The following CSMD1 variants were observed in gnomAD, a reference collection of about 807,000 sequenced individuals.
CSMD1 encodes the protein CUB and Sushi multiple domains 1, also known as CUB and sushi domain-containing protein 1.
Under a neutral mutation model 417.5 loss-of-function variants are expected in CSMD1, and 213 were observed. The ratio of observed to expected loss-of-function variants is 0.51; its 90% CI spans 0.46 to 0.57. The LOEUF is 0.57. Among genes scored for constraint, CSMD1 ranks in the 20% least tolerant of loss-of-function variants. The pLI, the probability that CSMD1 is intolerant of heterozygous loss-of-function variation, is 0.00. For missense variants in CSMD1, 6,923 were observed against 4,529.7 expected, an observed-to-expected ratio of 1.53 and a Z score of -15.17; for synonymous variants, 2,862 against 1,736.8, an observed-to-expected ratio of 1.65 and a Z score of -16.11.
chr8:4,484,751 C>T (rs929321055), intron 2 of CSMD1, among the ~76,000 whole-genome samples: 1 of 151,920 alleles, frequency 6.6e-6, no homozygotes, highest in Non-Finnish European at 1.5e-5. Context: ...GGGCGGATCA[C>T]GAGGTCAGGA....
intron 3 of CSMD1, among the ~76,000 whole-genome samples, chr8:4,228,566 G>C (rs905413041): frequency 6.8e-6 from 1 of 146,652 alleles, no homozygotes; most frequent in African/African-American, 2.5e-5. Flanking sequence ...TAGTATCCTT[G>C]GCAATTCTCT....
intron 6 of CSMD1, among the ~76,000 whole-genome samples, chr8:3,739,179 G>A (rs934972035): frequency 5.3e-5 from 8 of 152,160 alleles, no homozygotes; most frequent in South Asian, 2.1e-4. Context: ...TCTGATGCAT[G>A]CCGGATACTG....
chr8:3,255,722 C>T (rs1390044281), intron 26 of CSMD1, among the ~76,000 whole-genome samples: 1 of 152,138 alleles, frequency 6.6e-6, no homozygotes, highest in African/African-American at 2.4e-5. Context: ...TGGGAAAGTG[C>T]AGTATTAGGG....
intron 12 of CSMD1, among the ~76,000 whole-genome samples, chr8:3,459,017 C>G (rs1049798442): frequency 1.3e-5 from 2 of 152,180 alleles, no homozygotes; most frequent in Admixed American, 1.3e-4. Flanking sequence ...GTTTCCTACC[C>G]GCAAGGGTAG....
chr8:4,953,197 G>C (rs1808866314), intron 1 of CSMD1, among the ~76,000 whole-genome samples: 1 of 152,134 alleles, frequency 6.6e-6, no homozygotes, highest in Non-Finnish European at 1.5e-5. Flanking sequence ...CATTGTAGGA[G>C]GAAAATCTTT....
At chr8:4,021,092 G>A (rs538410198) in intron 4 of CSMD1, among the ~76,000 whole-genome samples, 1 of 152,314 alleles carries the variant, frequency 6.6e-6, no homozygotes, top group South Asian at 2.1e-4. Flanking sequence ...AATGAGGATA[G>A]AGGATACAAC....
intron 4 of CSMD1, among the ~76,000 whole-genome samples, chr8:4,027,536 G>T (rs1005221636): frequency 6.6e-6 from 1 of 152,094 alleles, no homozygotes; most frequent in African/African-American, 2.4e-5. Flanking sequence ...TCTCGCTCCT[G>T]CTGTCCTGTG....
chr8:3,771,701 G>A (rs766986046), intron 5 of CSMD1, among the ~76,000 whole-genome samples: 88 of 152,120 alleles, frequency 5.8e-4, no homozygotes, highest in Non-Finnish European at 6.8e-4. Flanking sequence ...TAAAGACCTC[G>A]AGGTAAAAGC....
chr8:4,138,022 C>G (rs13266738), intron 3 of CSMD1, among the ~76,000 whole-genome samples: 2 of 140,468 alleles, frequency 1.4e-5, no homozygotes, highest in East Asian at 4.2e-4. Context: ...CGACTAGAGG[C>G]GCCCGCCACC....
intron 7 of CSMD1, among the ~76,000 whole-genome samples, chr8:3,646,464 C>G (rs899266050): frequency 6.6e-6 from 1 of 152,102 alleles, no homozygotes; most frequent in Non-Finnish European, 1.5e-5. Flanking sequence ...AAAATCGCAC[C>G]TATTATAATA....
chr8:4,159,803 TA>T (rs1355688144), intron 3 of CSMD1, among the ~76,000 whole-genome samples: 1 of 152,106 alleles, frequency 6.6e-6, no homozygotes, highest in Non-Finnish European at 1.5e-5. Context: ...TTAGCCAGGA[TA>T]GGGAGACCAT....
intron 3 of CSMD1, among the ~76,000 whole-genome samples, chr8:4,045,463 G>T (rs545838761): frequency 2.0e-5 from 3 of 152,194 alleles, no homozygotes; most frequent in South Asian, 2.1e-4. Context: ...AAGGGCCACT[G>T]GTGCTGGGGT....
intron 1 of CSMD1, among the ~76,000 whole-genome samples, chr8:4,824,020 G>A (rs997464091): frequency 3.7e-4 from 56 of 150,540 alleles, no homozygotes; most frequent in African/African-American, 1.3e-3. Flanking sequence ...ACACATACAT[G>A]CACACACAAA....
intron 18 of CSMD1, among the ~76,000 whole-genome samples, chr8:3,371,948 C>G (rs1314945532): frequency 1.3e-5 from 2 of 152,202 alleles, no homozygotes; most frequent in African/African-American, 4.8e-5. Flanking sequence ...TGCTATTGAG[C>G]AAGCTCTGCC....
At chr8:2,989,368 A>C (rs1163868332) in intron 54 of CSMD1, among the ~76,000 whole-genome samples, 1 of 152,240 alleles carries the variant, frequency 6.6e-6, no homozygotes, top group African/African-American at 2.4e-5. Context: ...AAACAAAACA[A>C]AATGGAATAA....
intron 7 of CSMD1, chr8:3,700,528 G>A (rs878488): frequency 0.95 from 145,106 of 152,356 alleles, 69,160 homozygotes; most frequent in East Asian, 1. Context: ...ACCTGATCTC[G>A]GAACCTAAGC....
At chr8:4,178,783 A>G (rs970965382) in intron 3 of CSMD1, among the ~76,000 whole-genome samples, 1 of 152,186 alleles carries the variant, frequency 6.6e-6, no homozygotes, top group Admixed American at 6.5e-5. Flanking sequence ...GTTATACACC[A>G]ACAAAAGACA....
intron 5 of CSMD1, among the ~76,000 whole-genome samples, chr8:3,809,828 G>T (rs914393203): frequency 2.6e-5 from 4 of 152,234 alleles, no homozygotes; most frequent in East Asian, 1.9e-4. Flanking sequence ...TACTGAAAAC[G>T]CAAGAATGCA....
chr8:3,900,220 G>T (rs534281743), intron 5 of CSMD1, among the ~76,000 whole-genome samples: 1 of 151,924 alleles, frequency 6.6e-6, no homozygotes, highest in Non-Finnish European at 1.5e-5. Flanking sequence ...GGAGCTGGGT[G>T]ACAGTGTTAA....
Sources: allele counts gnomAD v4.1 joint callset (sites outside exome capture counted in the v4.1 genomes callset), GRCh38; gene constraint gnomAD v4.1.1; transcripts MANE v1.5; gene names NCBI Gene and HGNC (gene_info 2026-07-23, HGNC 2026-07-21).